The following SMIM12 variants were observed in gnomAD, a reference collection of about 807,000 sequenced individuals.
The protein encoded by SMIM12 is UPF0767 protein C1orf212.
A neutral mutation model predicts 6.3 loss-of-function variants in SMIM12; 5 were observed. That is an observed-to-expected ratio of 0.80 (90% CI 0.42 to 1.68). The LOEUF is 1.68. Ranked by LOEUF, SMIM12 falls within the 40% of genes most tolerant of loss-of-function variation. SMIM12 has a pLI of 0.02. For missense variants in SMIM12, 103 were observed against 121.4 expected (o/e 0.85, Z 0.71); for synonymous variants, 51 against 48.0 (o/e 1.06, Z -0.26).
chr1:34,855,858 G>C lies in SMIM12; in HGVS notation c.120C>G (p.Pro40=). Residue 40 remains proline (P), a synonymous_variant, in exon 2 of 2, where the codon CCC becomes CCG. Transcript: ENST00000521580. ...TGCTCTTTTCCTCCTCCACGGGCTG[G>C]GGGTCCTTTCCCCTGATGAACCATT... ...HLEWFIRGKD[P]QPVEEEKSIS... The C allele has an allele frequency of 6.4e-7, 1 of 1,551,676 alleles. No individual in the cohort carries two copies. The highest frequency in any genetic ancestry group is 1.2e-5 in the South Asian group (1 of 84,064).
chr1:34,854,844 G>T lies in SMIM12; in HGVS notation c.*855C>A, dbSNP rs893618942. 2 of 214,518 alleles carry T rather than the reference G, an allele frequency of 9.3e-6. No individual in the cohort carries two copies. The highest frequency in any genetic ancestry group is 5.3e-5 in the Admixed American group (1 of 18,860). 13.3% of individuals were successfully genotyped at this position (214,518 alleles called of 1,614,324 possible). On this transcript the variant is annotated 3_prime_UTR_variant, in exon 2 of 2. Transcript: ENST00000521580. ...GGTCTACCTCCATTTAGACTTGAAG[G>T]TGCTGCAGCCAATTGTAATAATGGT...
rs762958112 is a variant in SMIM12 at position 34,855,761 on chromosome 1, T to C, written c.217A>G (p.Lys73Glu). The change falls in exon 2 of 2, where the codon AAG (lysine) becomes GAG (glutamate). Residue 73 changes from lysine to glutamate, a missense_variant. By Grantham distance (56) the Lys-to-Glu change is moderately conservative. Coordinates refer to ENST00000521580, the MANE Select transcript of SMIM12 (RefSeq NM_138428.6). ...TTCGGGGCAAATTCTAGCTTGTCCT[T>C]AAGGCTCACCACCTGCGTGTGGTCC... ...GKDHTQVVSLKDKLEFAPKAV... is the reference protein window; with the variant it reads ...GKDHTQVVSLEDKLEFAPKAV... 6 of 1,581,910 alleles carry C rather than the reference T, an allele frequency of 3.8e-6. No homozygotes were observed. The highest frequency in any genetic ancestry group is 1.9e-5 in the Admixed American group (1 of 53,922).
At position 34,855,915 on chromosome 1, in the gene SMIM12, G is replaced by A; in HGVS notation, c.63C>T (p.Ala21=). 1 of 1,551,634 alleles carries A rather than the reference G, an allele frequency of 6.4e-7. No homozygotes were observed. Among genetic ancestry groups the A allele is most frequent in the Non-Finnish European group, 8.7e-7 (1 of 1,146,986 alleles). Reference sequence around the variant, plus strand: ...GGTAACCCACAGCCCCGACCACGAAGGCAACAGGGAATGTGACATAAGGAG... The same window carrying A: ...GGTAACCCACAGCCCCGACCACGAAAGCAACAGGGAATGTGACATAAGGAG... ...TYAPYVTFPV[A]FVVGAVGYHL... The change falls in exon 2 of 2, where the codon GCC becomes GCT. Residue 21 remains alanine (A), a synonymous_variant. Transcript: ENST00000521580.
intron 1 of SMIM12, chr1:34,859,343 G>C (rs1250528500): frequency 6.6e-6 from 1 of 152,312 alleles, no homozygotes; most frequent in Non-Finnish European, 1.5e-5. Flanking sequence ...AATTAGCCCT[G>C]ACAGTCACTA....
chr1:34,857,238 C>T (rs912871503), intron 1 of SMIM12: 14 of 1,828 alleles, frequency 7.7e-3, no homozygotes, highest in Non-Finnish European at 0.012. Flanking sequence ...TGTACAAGCC[C>T]GGGGGGTGGG....
rs1640950747 is a variant in SMIM12, at chr1:34,852,224, C to CA, written c.*3474dup. On this transcript the variant is annotated 3_prime_UTR_variant, in exon 2 of 2. Transcript: ENST00000521580. ...GGAAGAAGGGAGCCACCTGGATTCC[C>CA]AAAGATAGGGCTCTCTCGACCAGAC... is the stretch of plus-strand genomic sequence containing the variant. 6.6e-6 allele frequency among the ~76,000 whole-genome samples: 1 copy of CA among 152,068 alleles called. No homozygotes were observed.
Position 34,855,765 on chromosome 1 carries a change from G to A in SMIM12, c.213C>T (p.Ser71=). 1 of 1,578,402 alleles carries A rather than the reference G, an allele frequency of 6.3e-7. No individual in the cohort carries two copies. Among genetic ancestry groups the A allele is most frequent in the Admixed American group, 1.9e-5 (1 of 53,450 alleles). ...GGGCAAATTCTAGCTTGTCCTTAAGGCTCACCACCTGCGTGTGGTCCTTGC... is the reference window on the plus strand; with the variant it reads ...GGGCAAATTCTAGCTTGTCCTTAAGACTCACCACCTGCGTGTGGTCCTTGC... ...LLGKDHTQVV[S]LKDKLEFAPK... Residue 71 remains serine, a synonymous_variant, in exon 2 of 2, where the codon AGC becomes AGT. Transcript: ENST00000521580.
chr1:34,855,500 C>G lies in SMIM12; in HGVS notation c.*199G>C. 6.2e-7 allele frequency: 1 copy of G among 1,607,830 alleles called. No homozygotes were observed. Among genetic ancestry groups the G allele is most frequent in the Non-Finnish European group, 8.5e-7 (1 of 1,176,392 alleles). ...TGTGGCCACCACACAACAGATGCGG[C>G]CTTCCTCTTCACTGGCCCCTCGGCT... On this transcript the variant is annotated 3_prime_UTR_variant, in exon 2 of 2. Coordinates refer to ENST00000521580, the MANE Select transcript of SMIM12 (RefSeq NM_138428.6).
At chr1:34,856,636 G>A (rs1638663474) in intron 1 of SMIM12, 1 of 152,108 alleles carries the variant, frequency 6.6e-6, no homozygotes, top group Non-Finnish European at 1.5e-5. Flanking sequence ...GCCTTTCTCT[G>A]CTCTATGAAA....
Position 34,855,431 on chromosome 1 carries a change from T to C in SMIM12, c.*268A>G. On this transcript the variant is annotated 3_prime_UTR_variant, in exon 2 of 2. Transcript: ENST00000521580. ...TGACAGCCAATGTTCATCTCATAAC[T>C]CTCCTCCCAGCAGTGCACCAGTAAA... 6.4e-7 allele frequency: 1 copy of C among 1,557,452 alleles called. No individual in the cohort carries two copies. Among genetic ancestry groups the C allele is most frequent in the Non-Finnish European group, 8.7e-7 (1 of 1,143,902 alleles).
At position 34,855,449 on chromosome 1, in the gene SMIM12, C is replaced by T. The variant is rs746028031; in HGVS notation, c.*250G>A. On this transcript the variant is annotated 3_prime_UTR_variant, in exon 2 of 2. Coordinates refer to ENST00000521580, the MANE Select transcript of SMIM12 (RefSeq NM_138428.6). ...TCATAACTCTCCTCCCAGCAGTGCA[C>T]CAGTAAACTCAGATGCCTGAGTGCT... The T allele has an allele frequency of 1.3e-6, 2 of 1,581,856 alleles. No individual in the cohort carries two copies. The highest frequency in any genetic ancestry group is 3.4e-5 in the Admixed American group (2 of 58,938).
Position 34,855,465 on chromosome 1 carries a change from C to CA in SMIM12, c.*233_*234insT. 6.3e-7 allele frequency: 1 copy of CA among 1,593,608 alleles called. No individual in the cohort carries two copies. The highest frequency in any genetic ancestry group is 1.1e-5 in the South Asian group (1 of 90,078). The stretch of plus-strand genomic sequence containing the variant: ...AGCAGTGCACCAGTAAACTCAGATG[C>CA]CTGAGTGCTTGTGGCCACCACACAA... On this transcript the variant is annotated 3_prime_UTR_variant, in exon 2 of 2. Transcript: ENST00000521580.
intron 1 of SMIM12, among the ~76,000 whole-genome samples, chr1:34,859,270 G>T (rs1019673305): frequency 2.0e-5 from 3 of 152,266 alleles, no homozygotes; most frequent in African/African-American, 7.2e-5. Flanking sequence ...AACGAGGCCA[G>T]AAGCCGTAGT....
chr1:34,857,576 A>T (rs1638694365), intron 1 of SMIM12: 2 of 152,224 alleles, frequency 1.3e-5, no homozygotes, highest in African/African-American at 2.4e-5. Context: ...ATCCACTAAA[A>T]GATCTTTCTG....
chr1:34,855,499 G>C lies in SMIM12; in HGVS notation c.*200C>G. 1 of 1,607,516 alleles carries C rather than the reference G, an allele frequency of 6.2e-7. No homozygotes were observed. The highest frequency in any genetic ancestry group is 2.2e-5 in the East Asian group (1 of 44,462). Reference sequence around the variant, plus strand: ...TTGTGGCCACCACACAACAGATGCGGCCTTCCTCTTCACTGGCCCCTCGGC... The same window carrying C: ...TTGTGGCCACCACACAACAGATGCGCCCTTCCTCTTCACTGGCCCCTCGGC... On this transcript the variant is annotated 3_prime_UTR_variant, in exon 2 of 2. Transcript: ENST00000521580.
intron 1 of SMIM12, 76 bp from the exon 2 acceptor site, chr1:34,856,058 T>C: frequency 2.1e-6 from 3 of 1,410,516 alleles, no homozygotes; most frequent in Non-Finnish European, 9.3e-7. Context: ...ACTAGAGCTC[T>C]CCACTTACCA....
At chr1:34,859,420 T>C (rs1036535241) in intron 1 of SMIM12, 2 of 152,348 alleles carry the variant, frequency 1.3e-5, no homozygotes, top group African/African-American at 4.8e-5. Flanking sequence ...CCTTCTCCCT[T>C]CTGTGAGTCT....
chr1:34,857,013 G>A (rs1313045337), intron 1 of SMIM12, among the ~76,000 whole-genome samples: 4 of 151,818 alleles, frequency 2.6e-5, no homozygotes, highest in Non-Finnish European at 5.9e-5. Context: ...AGAATCACTT[G>A]AACCTGGGAG....
chr1:34,855,949 C>T lies in SMIM12; in HGVS notation c.29G>A (p.Arg10His), dbSNP rs1638641035. MWPVFWTVVRTYAPYVTFPV... is the reference protein window; with the variant it reads MWPVFWTVVHTYAPYVTFPV... ...GAATGTGACATAAGGAGCATAGGTA[C>T]GAACCACGGTCCAAAACACAGGCCA... The change falls in exon 2 of 2, where the codon CGT (arginine) becomes CAT (histidine). Residue 10 changes from arginine to histidine, a missense_variant. Arg to His is a conservative substitution (Grantham distance 29). Transcript: ENST00000521580. 7 of 1,549,788 alleles carry T rather than the reference C, an allele frequency of 4.5e-6. No homozygotes were observed. The highest frequency in any genetic ancestry group is 2.4e-5 in the South Asian group (2 of 84,044).
Sources: gnomAD v4.1 joint callset for allele counts (sites outside exome capture counted in the v4.1 genomes callset) on GRCh38, gnomAD v4.1.1 for gene constraint, MANE v1.5 for transcripts, NCBI Gene and HGNC (gene_info 2026-07-23, HGNC 2026-07-21) for gene names.